Variants in SRCAP observed in about 807,000 individuals in gnomAD.
SRCAP encodes the protein chromatin remodeling protein SRCAP.
A neutral mutation model predicts 263.1 loss-of-function variants in SRCAP; 46 were observed. That is an observed-to-expected ratio of 0.17 (90% CI 0.14 to 0.22). SRCAP has a LOEUF of 0.22. Ranked by LOEUF, SRCAP falls within the 10% of genes least tolerant of loss-of-function variation. The probability of loss-of-function intolerance (pLI) is 1.00; values close to 1 mark genes in which losing one functional copy is unlikely to be tolerated. For synonymous variants in SRCAP, 1,813 were observed against 1,662.1 expected (o/e 1.09, Z -2.21); for missense variants, 3,695 against 4,181.9 (o/e 0.88, Z 3.21).
Position 30,737,036 on chromosome 16 carries a change from C to A in SRCAP, c.7009-13C>A, listed in dbSNP as rs554048386. On this transcript the variant is annotated splice_polypyrimidine_tract_variant and intron_variant, in intron 33 of 33. Transcript: ENST00000262518. ...TGCCTCCTCCTGACCACTTTTGGACCCTGTTGTTGTAGGAGCAAGTGGAAG... is the reference window on the plus strand; with the variant it reads ...TGCCTCCTCCTGACCACTTTTGGACACTGTTGTTGTAGGAGCAAGTGGAAG... 9.6e-6 allele frequency: 15 copies of A among 1,568,650 alleles called. No individual in the cohort carries two copies. Among genetic ancestry groups the A allele is most frequent in the Middle Eastern group, 1.7e-4 (1 of 5,840 alleles).
intron 18 of SRCAP, among the ~76,000 whole-genome samples, 166 bp downstream of exon 18, chr16:30,716,645 A>G (rs1019771198): frequency 2.6e-5 from 4 of 152,164 alleles, no homozygotes; most frequent in African/African-American, 4.8e-5. Flanking sequence ...GGTTCAACTT[A>G]ATATTTTTTT....
Position 30,739,662 on chromosome 16 carries a change from C to T in SRCAP, c.9622C>T (p.Leu3208=), listed in dbSNP as rs1190305749. 6 of 1,582,570 alleles carry T rather than the reference C, an allele frequency of 3.8e-6. No individual in the cohort carries two copies. Among genetic ancestry groups the T allele is most frequent in the Non-Finnish European group, 5.1e-6 (6 of 1,165,780 alleles). The change falls in exon 34 of 34, where the codon CTG becomes TTG. Residue 3208 remains leucine, a synonymous_variant. Transcript: ENST00000262518. ...CACCAACCAAGGGGACCAGCGCATC[C>T]TGCGCAGCAGCGCCCCTCCCTCCCT... The part of the protein sequence containing the change: ...GTTNQGDQRI[L]RSSAPPSLAG...
chr16:30,722,505 C>CT, intron 22 of SRCAP, 58 bp from the exon 23 acceptor site: 1 of 1,594,366 alleles, frequency 6.3e-7, no homozygotes, highest in Admixed American at 1.7e-5. Flanking sequence ...TGCCTTGCCT[C>CT]TGCCCTCCTC....
chr16:30,732,329 T>C (rs1031311309), intron 27 of SRCAP, among the ~76,000 whole-genome samples: 3 of 151,730 alleles, frequency 2.0e-5, no homozygotes, highest in African/African-American at 7.3e-5. Context: ...CACATGCCTG[T>C]AATCCCAGCC....
chr16:30,704,783 A>G (rs1038934866), intron 4 of SRCAP, among the ~76,000 whole-genome samples: 19 of 152,194 alleles, frequency 1.2e-4, no homozygotes, highest in African/African-American at 4.1e-4. Flanking sequence ...TCAGGGCTGC[A>G]GTGAGCCACG....
chr16:30,711,867 G>T lies in SRCAP; in HGVS notation c.1525G>T (p.Asp509Tyr). ...GGAGGACCGGAGTGAGGATGAGGAA[G>T]ATGAACATTCAGAGGAGGAAGAAAC... ...SVEDRSEDEE[D>Y]EHSEEEETSG... is the part of the protein sequence containing the mutation. The change falls in exon 12 of 34, where the codon GAT becomes TAT. Residue 509 changes from aspartate to tyrosine, a missense_variant. Asp to Tyr is a radical substitution (Grantham distance 160). Coordinates refer to ENST00000262518, the MANE Select transcript of SRCAP (RefSeq NM_006662.3). 1 of 1,613,846 alleles carries T rather than the reference G, an allele frequency of 6.2e-7. No individual in the cohort carries two copies. Among genetic ancestry groups the T allele is most frequent in the Non-Finnish European group, 8.5e-7 (1 of 1,180,018 alleles).
In SRCAP at chr16:30,724,691, C is replaced by T. The variant is rs766374716; in HGVS notation, c.5267C>T (p.Pro1756Leu). 1.2e-6 allele frequency: 2 copies of T among 1,614,202 alleles called. No individual in the cohort carries two copies. The highest frequency in any genetic ancestry group is 1.7e-6 in the Non-Finnish European group (2 of 1,180,040). Residue 1756 changes from proline to leucine, a missense_variant, in exon 25 of 34, where the codon CCA (proline) becomes CTA (leucine). This residue lies in a region of SRCAP where 1,347 missense variants were observed against 1,304.4 expected (regional missense o/e 1.03). Coordinates refer to ENST00000262518, the MANE Select transcript of SRCAP (RefSeq NM_006662.3). ...CTGGCTCCAGCACCCCCTCTGGCTC[C>T]AGCTTCTCCAGTGGGCCCAGCCCCA... Reference protein sequence around the residue: ...LSLAPAPPLAPASPVGPAPAH... With the variant: ...LSLAPAPPLALASPVGPAPAH...
chr16:30,708,641 G>A (rs980938045), intron 6 of SRCAP, among the ~76,000 whole-genome samples: 5 of 151,842 alleles, frequency 3.3e-5, no homozygotes, highest in Non-Finnish European at 5.9e-5. Context: ...TTATCCACTC[G>A]CCCCAGCCTC....
rs779978975 is a variant in SRCAP at position 30,709,670 on chromosome 16, C to T, written c.791C>T (p.Pro264Leu). 1 of 1,614,096 alleles carries T rather than the reference C, an allele frequency of 6.2e-7. No individual in the cohort carries two copies. Among genetic ancestry groups the T allele is most frequent in the South Asian group, 1.1e-5 (1 of 91,086 alleles). ...ACCTCCAGCAAAGCAGGCTCTTCCCCTTGCCTCGGCTCTTCCTCAGCTGCC... is the reference window on the plus strand; with the variant it reads ...ACCTCCAGCAAAGCAGGCTCTTCCCTTTGCCTCGGCTCTTCCTCAGCTGCC... ...PLTSSKAGSS[P>L]CLGSSSAASS... The change falls in exon 7 of 34, where the codon CCT becomes CTT. Residue 264 changes from proline to leucine, a missense_variant. Physicochemically the swap from Pro to Leu is moderately conservative, Grantham distance 98 (BLOSUM62 -3). This residue lies in a region of SRCAP where 44 missense variants were observed against 42.9 expected (regional missense o/e 1.03). Coordinates refer to ENST00000262518, the MANE Select transcript of SRCAP (RefSeq NM_006662.3).
intron 31 of SRCAP, among the ~76,000 whole-genome samples, chr16:30,735,970 G>A (rs1405703394): frequency 6.6e-6 from 1 of 151,610 alleles, no homozygotes; most frequent in African/African-American, 2.4e-5. Flanking sequence ...AGTACAGCGA[G>A]CAATCTCAAA....
At chr16:30,712,482 T>A in intron 13 of SRCAP, 43 bp downstream of exon 13, 1 of 1,536,386 alleles carries the variant, frequency 6.5e-7, no homozygotes, top group Non-Finnish European at 8.7e-7. Flanking sequence ...CTAGTCTAGC[T>A]CCCTGGGAGC....
chr16:30,725,981 A>G (rs1157106773), intron 25 of SRCAP: 2 of 152,116 alleles, frequency 1.3e-5, no homozygotes, highest in Admixed American at 1.3e-4. Flanking sequence ...CATCAACACA[A>G]TCAACTTAGA....
In SRCAP at chr16:30,737,521, GTTC is replaced by G. The variant is rs753234872; in HGVS notation, c.7486_7488del (p.Ser2496del). On this transcript the variant is annotated inframe_deletion, in exon 34 of 34. Coordinates refer to ENST00000262518, the MANE Select transcript of SRCAP (RefSeq NM_006662.3). ...CCCCCTCCTTCACAGATTCCTCCTT[GTTC>G]TTCTCCTGCCTGCACCCCTCCTCCT... 5 of 1,604,666 alleles carry G rather than the reference GTTC, an allele frequency of 3.1e-6. No homozygotes were observed. The highest frequency in any genetic ancestry group is 2.7e-5 in the African/African-American group (2 of 74,606).
rs747728802 is a variant in SRCAP, at chr16:30,711,950, A to G, written c.1608A>G (p.Ser536=). The change falls in exon 12 of 34, where the codon TCA becomes TCG. Residue 536 remains serine, a synonymous_variant. Transcript: ENST00000262518. ...CTGAAGAGTCTGAGGATGCCCAATC[A>G]CAGAGCCAAGCAGATGAAGAGGAGG... ...SESEESEDAQ[S]QSQADEEEED... is the part of the protein sequence containing the mutation. 6.2e-7 allele frequency: 1 copy of G among 1,614,010 alleles called. No homozygotes were observed. Among genetic ancestry groups the G allele is most frequent in the Non-Finnish European group, 8.5e-7 (1 of 1,179,998 alleles).
At chr16:30,717,707 A>C (rs1448536607) in intron 18 of SRCAP, among the ~76,000 whole-genome samples, 2 of 137,970 alleles carry the variant, frequency 1.4e-5, no homozygotes, top group African/African-American at 5.2e-5. Context: ...CCGCCTCCCA[A>C]GTTCAAGCAA....
chr16:30,702,410 T>G (rs2052776441), intron 3 of SRCAP, among the ~76,000 whole-genome samples: 1 of 151,910 alleles, frequency 6.6e-6, no homozygotes, highest in African/African-American at 2.4e-5. Flanking sequence ...TTTTCTGTGT[T>G]TTTAGTAGAG....
chr16:30,706,701 C>T (rs538280251), intron 4 of SRCAP, among the ~76,000 whole-genome samples: 1 of 152,092 alleles, frequency 6.6e-6, no homozygotes, highest in Non-Finnish European at 1.5e-5. Context: ...TAGCATATTT[C>T]TAAGCTTAAT....
Position 30,733,219 on chromosome 16 carries a change from C to T in SRCAP, c.6128-61C>T. 3 of 1,562,546 alleles carry T rather than the reference C, an allele frequency of 1.9e-6. No homozygotes were observed. Among genetic ancestry groups the T allele is most frequent in the South Asian group, 2.3e-5 (2 of 87,338 alleles). ...ATCTTTCAACCCCAGCCTTGCATTGCTAAGCATTCTACCCATTGCGGCTTG... is the reference window on the plus strand; with the variant it reads ...ATCTTTCAACCCCAGCCTTGCATTGTTAAGCATTCTACCCATTGCGGCTTG... On this transcript the variant is annotated intron_variant, in intron 27 of 33. Coordinates refer to ENST00000262518, the MANE Select transcript of SRCAP (RefSeq NM_006662.3). The surrounding 1 kb of genome is among the most constrained non-coding windows in gnomAD (Gnocchi z 5.3).
At position 30,738,542 on chromosome 16, in the gene SRCAP, G is replaced by T. The variant is rs1428351243; in HGVS notation, c.8502G>T (p.Gly2834=). ...TTGCTCGCCGTCACATTGAGCTGGGGGTGACTGGTGGTGGCAGCCCCGAGA... is the reference window on the plus strand; with the variant it reads ...TTGCTCGCCGTCACATTGAGCTGGGTGTGACTGGTGGTGGCAGCCCCGAGA... ...PFIARRHIEL[G]VTGGGSPENG... Residue 2834 remains glycine, a synonymous_variant, in exon 34 of 34, where the codon GGG becomes GGT. Coordinates refer to ENST00000262518, the MANE Select transcript of SRCAP (RefSeq NM_006662.3). The T allele has an allele frequency of 2.5e-6, 4 of 1,611,688 alleles. No individual in the cohort carries two copies. The highest frequency in any genetic ancestry group is 1.3e-5 in the African/African-American group (1 of 74,808).
Sources: allele counts gnomAD v4.1 joint callset (sites outside exome capture counted in the v4.1 genomes callset), GRCh38; gene constraint gnomAD v4.1.1; regional missense constraint gnomAD v4.1.1; non-coding constraint Gnocchi (gnomAD v3.1); transcripts MANE v1.5; gene names NCBI Gene and HGNC (gene_info 2026-07-23, HGNC 2026-07-21).